Variants in ADAMTSL1 observed in about 807,000 individuals in gnomAD.
The protein encoded by ADAMTSL1 is ADAMTS like 1, also known as ADAMTS-like protein 1.
In ADAMTSL1, 126 loss-of-function variants were observed where a neutral mutation model predicts 201.8. The ratio of observed to expected loss-of-function variants is 0.62; its 90% CI spans 0.54 to 0.72. The LOEUF (loss-of-function observed/expected upper bound fraction) is 0.72. Ranked by LOEUF, ADAMTSL1 falls within the 30% of genes least tolerant of loss-of-function variation. The pLI is 0.00. For missense variants in ADAMTSL1, 2,679 were observed against 2,277.8 expected (o/e 1.18, Z -3.59); for synonymous variants, 1,121 against 903.4 (o/e 1.24, Z -4.32).
chr9:17,966,967 C>T (rs1349185682), intron 1 of ADAMTSL1, among the ~76,000 whole-genome samples: 2 of 152,018 alleles, frequency 1.3e-5, no homozygotes, highest in African/African-American at 4.8e-5. Context: ...TATTAACTCA[C>T]GGATTTAAAG....
chr9:18,413,787 C>G (rs893973539), intron 2 of ADAMTSL1, among the ~76,000 whole-genome samples: 1 of 152,122 alleles, frequency 6.6e-6, no homozygotes, highest in African/African-American at 2.4e-5. Flanking sequence ...GCTTCCCGTC[C>G]CATTTTTCTT....
chr9:18,002,174 A>G (rs577123457), intron 1 of ADAMTSL1, among the ~76,000 whole-genome samples: 1 of 152,196 alleles, frequency 6.6e-6, no homozygotes, highest in Admixed American at 6.5e-5. Context: ...TTCTGATACT[A>G]GAGATCAGAA....
chr9:18,240,352 T>TC (rs1164252517), intron 2 of ADAMTSL1, among the ~76,000 whole-genome samples: 3 of 151,936 alleles, frequency 2.0e-5, no homozygotes, highest in African/African-American at 7.3e-5. Context: ...TTTTTTTTTT[T>TC]TTCTAAGCAG....
chr9:18,142,919 G>T (rs1008037582), intron 1 of ADAMTSL1, among the ~76,000 whole-genome samples: 1 of 152,142 alleles, frequency 6.6e-6, no homozygotes, highest in Non-Finnish European at 1.5e-5. Flanking sequence ...CTATCACACC[G>T]GGGGGTAATG....
Position 18,721,766 on chromosome 9 carries a change from T to C in ADAMTSL1, c.2006+101T>C, listed in dbSNP as rs1303655861. On this transcript the variant is annotated intron_variant, in intron 15 of 28. Coordinates refer to ENST00000380548, the MANE Select transcript of ADAMTSL1 (RefSeq NM_001040272.6). Reference sequence around the variant, plus strand: ...TAACACTTATTTGTTACTCAGTGTTTTGAAAACCAATTAGCATCAGTTCAA... The same window carrying C: ...TAACACTTATTTGTTACTCAGTGTTCTGAAAACCAATTAGCATCAGTTCAA... 6 of 1,475,272 alleles carry C rather than the reference T, an allele frequency of 4.1e-6. No individual in the cohort carries two copies. In the Admixed American group the frequency reaches 1.4e-4, roughly 35 times the overall value. The allele number at this position is 1,475,272 out of a possible 1,614,324, so 91.4% of individuals were successfully genotyped here. A position where few individuals can be genotyped will look rare whatever the true frequency, so the allele number is the denominator to read the frequency against.
intron 1 of ADAMTSL1, among the ~76,000 whole-genome samples, chr9:17,953,484 T>C (rs1024686253): frequency 2.0e-5 from 3 of 152,338 alleles, no homozygotes; most frequent in African/African-American, 7.2e-5. Flanking sequence ...GTCCTACAGA[T>C]ATATGTGTTC....
At chr9:18,366,121 C>A (rs1427272420) in intron 2 of ADAMTSL1, among the ~76,000 whole-genome samples, 1 of 151,934 alleles carries the variant, frequency 6.6e-6, no homozygotes, top group African/African-American at 2.4e-5. Flanking sequence ...ATATAATCTA[C>A]TTTTTATTTA....
Position 18,405,083 on chromosome 9 carries a change from C to A in ADAMTSL1, c.208-99746C>A, listed in dbSNP as rs114620630. The stretch of plus-strand genomic sequence containing the variant: ...CCCTAAATACCTGACGTGTTTGTCT[C>A]CCTCCAGCCTCATGATGTAAGAGTT... On this transcript the variant is annotated intron_variant, in intron 2 of 29. Coordinates refer to the ADAMTSL1 transcript ENST00000680146. Among the ~76,000 whole-genome samples the A allele has an allele frequency of 1.8e-3, 276 of 152,248 alleles. 2 individuals carry two copies. Among genetic ancestry groups the A allele is most frequent in the African/African-American group, 6.2e-3 (256 of 41,548 alleles).
In ADAMTSL1 at chr9:18,074,514, C is replaced by T. The variant is rs201637633; in HGVS notation, c.88-89348C>T. Among the ~76,000 whole-genome samples the T allele has an allele frequency of 6.1e-3, 545 of 90,070 alleles. 3 individuals carry two copies. The highest frequency in any genetic ancestry group is 0.011 in the Middle Eastern group (2 of 190). 59.1% of individuals were successfully genotyped at this position (90,070 alleles called of 152,430 possible). On this transcript the variant is annotated intron_variant, in intron 1 of 29. Coordinates refer to the ADAMTSL1 transcript ENST00000680146. ...TTCTTTTCTTTTCTTTTCTTTTCTT[C>T]TTTTCTTTTCTTTTCTTTTCTTCTC...
intron 9 of ADAMTSL1, among the ~76,000 whole-genome samples, chr9:18,671,467 G>A (rs578225219): frequency 6.6e-6 from 1 of 152,316 alleles, no homozygotes. Flanking sequence ...CATTGCTGGT[G>A]TCGAGATGAC....
intron 2 of ADAMTSL1, among the ~76,000 whole-genome samples, chr9:18,218,734 G>T (rs1411994064): frequency 1.3e-5 from 2 of 151,452 alleles, no homozygotes; most frequent in Non-Finnish European, 2.9e-5. Context: ...TATGTTTTTG[G>T]AGCCTCTTCT....
At chr9:18,061,508 A>C (rs963757006) in intron 1 of ADAMTSL1, among the ~76,000 whole-genome samples, 6 of 152,222 alleles carry the variant, frequency 3.9e-5, no homozygotes, top group African/African-American at 1.4e-4. Flanking sequence ...CTCATAAACC[A>C]CAAAGAACTC....
chr9:18,226,098 T>C (rs1220599243), intron 2 of ADAMTSL1, among the ~76,000 whole-genome samples: 1 of 152,202 alleles, frequency 6.6e-6, no homozygotes, highest in Non-Finnish European at 1.5e-5. Flanking sequence ...TCATGCCTGC[T>C]TTTTGTAAAG....
chr9:18,334,174 T>C (rs139598936), intron 2 of ADAMTSL1, among the ~76,000 whole-genome samples: 2 of 152,040 alleles, frequency 1.3e-5, no homozygotes, highest in South Asian at 4.2e-4. Context: ...AAAAAAAATA[T>C]GGAAAGGGAG....
chr9:18,802,415 C>A (rs573922505), intron 20 of ADAMTSL1, among the ~76,000 whole-genome samples: 1 of 152,182 alleles, frequency 6.6e-6, no homozygotes, highest in Non-Finnish European at 1.5e-5. Context: ...CACTAATATA[C>A]TTTAAATCTC....
intron 2 of ADAMTSL1, among the ~76,000 whole-genome samples, chr9:18,254,112 C>T (rs751571374): frequency 1.3e-5 from 2 of 152,064 alleles, no homozygotes; most frequent in Admixed American, 6.6e-5. Context: ...TTACCTGAGC[C>T]ACCCTGTAAG....
intron 27 of ADAMTSL1, among the ~76,000 whole-genome samples, chr9:18,906,107 C>G (rs954854714): frequency 6.6e-6 from 1 of 152,164 alleles, no homozygotes; most frequent in African/African-American, 2.4e-5. Context: ...GCTTTTCTCT[C>G]TTAGTGATGA....
chr9:17,986,919 ATTTC>A (rs1818951758), intron 1 of ADAMTSL1, among the ~76,000 whole-genome samples: 1 of 152,194 alleles, frequency 6.6e-6, no homozygotes, highest in East Asian at 1.9e-4. Flanking sequence ...AATGTGTGCT[ATTTC>A]TTCAGCAAAT....
intron 2 of ADAMTSL1, among the ~76,000 whole-genome samples, chr9:18,410,703 T>G (rs1818400939): frequency 6.6e-6 from 1 of 152,194 alleles, no homozygotes. Flanking sequence ...TATTAATATC[T>G]TAGAATTATT....
Sources: gnomAD v4.1 joint callset for allele counts (sites outside exome capture counted in the v4.1 genomes callset) on GRCh38, gnomAD v4.1.1 for gene constraint, MANE v1.5 for transcripts, NCBI Gene and HGNC (gene_info 2026-07-23, HGNC 2026-07-21) for gene names.